Variants in ECT2L observed in about 807,000 individuals in gnomAD.
ECT2L encodes epithelial cell transforming 2 like, also known as epithelial cell-transforming sequence 2 oncogene-like.
A neutral mutation model predicts 122.8 loss-of-function variants in ECT2L; 126 were observed. The ratio of observed to expected loss-of-function variants is 1.03; its 90% CI spans 0.89 to 1.19. The LOEUF (loss-of-function observed/expected upper bound fraction) is 1.19, where lower values mean the gene tolerates loss of function less well. Ranked by LOEUF, ECT2L falls within the 50% of genes most tolerant of loss-of-function variation. The pLI is 0.00. For synonymous variants in ECT2L, 385 were observed against 381.8 expected (o/e 1.01, Z -0.10); for missense variants, 1,012 against 1,064.1 (o/e 0.95, Z 0.68).
rs1466759206 is a variant in ECT2L, at chr6:138,818,754, G to A, written c.179+4151G>A. ...TGGAAAATTACTCGAGGAAACATCA[G>A]GGGTAAGCGGGGATCTGAATACACT... On this transcript the variant is annotated intron_variant, in intron 4 of 21. Transcript: ENST00000541398. Among the ~76,000 whole-genome samples the A allele has an allele frequency of 2.0e-5, 3 of 152,076 alleles. 1 individual carries two copies. Among genetic ancestry groups the A allele is most frequent in the Non-Finnish European group, 4.4e-5 (3 of 68,016 alleles).
chr6:138,845,628 C>G (rs1777192741), intron 7 of ECT2L, among the ~76,000 whole-genome samples: 1 of 152,140 alleles, frequency 6.6e-6, no homozygotes, highest in African/African-American at 2.4e-5. Context: ...ACATGACTTA[C>G]CCACATGTCA....
In ECT2L at chr6:138,885,821, T is replaced by C; in HGVS notation, c.2250T>C (p.Tyr750=). The stretch of plus-strand genomic sequence containing the variant: ...ACCAAATCAAAAAATATAAAGGTTA[T>C]ATAGATCAGGTTGGTTGCTGATAAG... ...AIDQIKKYKG[Y]IDQMKQNITM... is the part of the protein sequence containing the mutation. The change falls in exon 18 of 22, where the codon TAT becomes TAC. Residue 750 remains tyrosine, a synonymous_variant. Transcript: ENST00000541398. The C allele has an allele frequency of 6.2e-7, 1 of 1,613,510 alleles. No individual in the cohort carries two copies. The highest frequency in any genetic ancestry group is 8.5e-7 in the Non-Finnish European group (1 of 1,179,762).
intron 10 of ECT2L, among the ~76,000 whole-genome samples, chr6:138,856,865 C>A (rs942532712): frequency 6.6e-6 from 1 of 152,212 alleles, no homozygotes; most frequent in Non-Finnish European, 1.5e-5. Context: ...TTTTCACACT[C>A]TTTGAGATGA....
intron 20 of ECT2L, among the ~76,000 whole-genome samples, chr6:138,899,455 G>T (rs972621066): frequency 6.6e-6 from 1 of 152,068 alleles, no homozygotes; most frequent in South Asian, 2.1e-4. Flanking sequence ...GTGTGTGTGT[G>T]TGTGTACCTG....
At chr6:138,824,752 A>G (rs1418821480) in intron 4 of ECT2L, among the ~76,000 whole-genome samples, 1 of 151,898 alleles carries the variant, frequency 6.6e-6, no homozygotes, top group Non-Finnish European at 1.5e-5. Context: ...AGATGGGGAG[A>G]TTCTCGCCGT....
chr6:138,842,196 C>T (rs897772297), intron 5 of ECT2L, among the ~76,000 whole-genome samples: 3 of 152,218 alleles, frequency 2.0e-5, no homozygotes, highest in Non-Finnish European at 4.4e-5. Context: ...CAGTGGCTTA[C>T]ACCTGTAATC....
At chr6:138,888,198 C>CA (rs779140253) in intron 19 of ECT2L, among the ~76,000 whole-genome samples, 1 of 127,606 alleles carries the variant, frequency 7.8e-6, no homozygotes, top group African/African-American at 4.1e-5. Flanking sequence ...TCTTGAAACT[C>CA]AGAGTCTACA....
At chr6:138,886,993 C>A (rs1778848450) in intron 19 of ECT2L, 71 bp downstream of exon 19, 1 of 1,244,948 alleles carries the variant, frequency 8.0e-7, no homozygotes, top group Non-Finnish European at 1.2e-6. Context: ...CAAAAGGAGA[C>A]CTACAGATCC....
At chr6:138,820,870 CAAAGG>C (rs1776245629) in intron 4 of ECT2L, among the ~76,000 whole-genome samples, 1 of 152,170 alleles carries the variant, frequency 6.6e-6, no homozygotes, top group African/African-American at 2.4e-5. Context: ...TTCCTTCTAC[CAAAGG>C]AAAGTTCACA....
In ECT2L at chr6:138,878,441, CTTTTGT is replaced by C. The variant is rs538914578; in HGVS notation, c.1665+1900_1665+1905del. On this transcript the variant is annotated intron_variant, in intron 14 of 21. Transcript: ENST00000541398. ...ATGCCACGAAGGGAGAAAGGAGGTC[CTTTTGT>C]TTTTGTTTTTGTTTTTTGAGATGGA... Among the ~76,000 whole-genome samples the C allele has an allele frequency of 6.2e-4, 94 of 151,746 alleles. 1 individual carries two copies. The highest frequency in any genetic ancestry group is 1.8e-3 in the African/African-American group (73 of 41,402).
intron 20 of ECT2L, among the ~76,000 whole-genome samples, chr6:138,892,100 G>A (rs1457866379): frequency 2.6e-5 from 4 of 151,902 alleles, no homozygotes; most frequent in Non-Finnish European, 4.4e-5. Context: ...CCTATTACTT[G>A]GATATTCTGT....
chr6:138,873,950 A>G (rs1036236728), intron 13 of ECT2L, among the ~76,000 whole-genome samples: 1 of 145,680 alleles, frequency 6.9e-6, no homozygotes, highest in Admixed American at 6.8e-5. Context: ...CCACCTACCT[A>G]CCTACCTATC....
rs1562471985 is a variant in ECT2L, at chr6:138,847,354, A to ATTTTTTTTTTTT, written c.903+677_903+678insTTTTTTTTTTTT. 2.9e-4 allele frequency among the ~76,000 whole-genome samples: 32 copies of ATTTTTTTTTTTT among 111,058 alleles called. 1 individual carries two copies. The highest frequency in any genetic ancestry group is 1.2e-3 in the African/African-American group (31 of 24,942). 72.9% of individuals were successfully genotyped at this position (111,058 alleles called of 152,430 possible). A position where few individuals can be genotyped will look rare whatever the true frequency, so the allele number is the denominator to read the frequency against. On this transcript the variant is annotated intron_variant, in intron 8 of 21. Transcript: ENST00000541398. ...TTTTGAAAAAGCATTAAAGGCCCAA[A>ATTTTTTTTTTTT]CTTTTTTTTTTTTTTTTTTTTTTTT...
At chr6:138,819,546 T>G (rs1776198064) in intron 4 of ECT2L, among the ~76,000 whole-genome samples, 1 of 150,356 alleles carries the variant, frequency 6.7e-6, no homozygotes, top group Middle Eastern at 3.5e-3. Context: ...GTGACTCTTT[T>G]CATCTCTAGC....
At chr6:138,875,141 A>T (rs979037173) in intron 13 of ECT2L, among the ~76,000 whole-genome samples, 2 of 152,224 alleles carry the variant, frequency 1.3e-5, no homozygotes, top group African/African-American at 4.8e-5. Context: ...ATAAGTATGG[A>T]TACATGCCAG....
chr6:138,819,583 A>G (rs1650051423), intron 4 of ECT2L, among the ~76,000 whole-genome samples: 1 of 152,238 alleles, frequency 6.6e-6, no homozygotes, highest in African/African-American at 2.4e-5. Context: ...GGCACATAGC[A>G]GCCACTCAAT....
At position 138,846,681 on chromosome 6, in the gene ECT2L, G is replaced by T; in HGVS notation, c.903+4G>T. 1 of 1,588,856 alleles carries T rather than the reference G, an allele frequency of 6.3e-7. No individual in the cohort carries two copies. Among genetic ancestry groups the T allele is most frequent in the South Asian group, 1.2e-5 (1 of 86,058 alleles). On this transcript the variant is annotated splice_donor_region_variant and intron_variant, in intron 8 of 21. Coordinates refer to ENST00000541398, the MANE Select transcript of ECT2L (RefSeq NM_001077706.3). ...ATCCCGGATTCCTGCGTATGAGGTA[G>T]AGTATGTTATGAGGCCAGTCCTGTC...
At chr6:138,835,900 T>C (rs968034682) in intron 4 of ECT2L, among the ~76,000 whole-genome samples, 3 of 152,258 alleles carry the variant, frequency 2.0e-5, no homozygotes, top group African/African-American at 7.2e-5. Context: ...CTGCCTTCAA[T>C]GTGGAGCAAA....
chr6:138,900,893 G>A (rs1030176413), intron 20 of ECT2L, 55 bp from the exon 21 acceptor site: 7 of 1,542,688 alleles, frequency 4.5e-6, no homozygotes, highest in Middle Eastern at 1.7e-4. Flanking sequence ...GCTTAACTAT[G>A]TAACAAAGCA....
Sources: gnomAD v4.1 joint callset for allele counts (sites outside exome capture counted in the v4.1 genomes callset) on GRCh38, gnomAD v4.1.1 for gene constraint, MANE v1.5 for transcripts, NCBI Gene and HGNC (gene_info 2026-07-23, HGNC 2026-07-21) for gene names.